The following LINGO2 variants were observed in gnomAD, a reference collection of about 807,000 sequenced individuals.
LINGO2 encodes the protein leucine rich repeat and Ig domain containing 2, also known as leucine-rich repeat and immunoglobulin-like domain-containing nogo receptor-interacting protein 2.
LINGO2 carries 14 observed loss-of-function variants against 30.6 expected under a neutral mutation model. That is an observed-to-expected ratio of 0.46 (90% CI 0.30 to 0.72). The LOEUF is 0.72. Among genes scored for constraint, LINGO2 ranks in the 30% least tolerant of loss-of-function variants. The pLI is 0.07. For missense variants in LINGO2, 729 were observed against 751.7 expected (o/e 0.97, Z 0.35); for synonymous variants, 317 against 288.5 (o/e 1.10, Z -1.00).
At chr9:28,318,304 T>C (rs1422894239) in intron 3 of LINGO2, among the ~76,000 whole-genome samples, 1 of 152,176 alleles carries the variant, frequency 6.6e-6, no homozygotes, top group Non-Finnish European at 1.5e-5. Flanking sequence ...TAAATACAGA[T>C]CATGAACATC....
chr9:28,131,039 C>T lies in LINGO2; in HGVS notation c.-86-118634G>A, dbSNP rs112301012. On this transcript the variant is annotated intron_variant, in intron 4 of 5. Coordinates refer to ENST00000379992, the Ensembl canonical transcript of LINGO2. ...CCTTAACTTCTACCATGCTCCCAGCCTCCCTCCCCTTATCTCCTCATAATG... is the reference window on the plus strand; with the variant it reads ...CCTTAACTTCTACCATGCTCCCAGCTTCCCTCCCCTTATCTCCTCATAATG... Among the ~76,000 whole-genome samples the T allele has an allele frequency of 7.6e-3, 1,152 of 152,120 alleles. 24 individuals carry two copies. The highest frequency in any genetic ancestry group is 0.025 in the African/African-American group (1,039 of 41,498).
At chr9:28,117,960 A>C (rs1826981111) in intron 4 of LINGO2, among the ~76,000 whole-genome samples, 1 of 152,228 alleles carries the variant, frequency 6.6e-6, no homozygotes, top group South Asian at 2.1e-4. Context: ...GTCCAGAGAT[A>C]GGAATGTAAA....
chr9:28,952,601 C>A, the LINGO2 span, among the ~76,000 whole-genome samples: 2 of 152,110 alleles, frequency 1.3e-5, no homozygotes, highest in African/African-American at 4.8e-5. Context: ...TCTCCTCTTG[C>A]CCTCTTAGAA....
intron 4 of LINGO2, among the ~76,000 whole-genome samples, chr9:28,058,397 C>T (rs1055552407): frequency 1.3e-5 from 2 of 152,030 alleles, no homozygotes; most frequent in South Asian, 4.1e-4. Flanking sequence ...ATAAGGTACC[C>T]AATGTAGTTT....
chr9:28,615,522 G>A (rs1051339422), intron 1 of LINGO2, among the ~76,000 whole-genome samples: 4 of 152,000 alleles, frequency 2.6e-5, no homozygotes, highest in African/African-American at 7.2e-5. Context: ...CAGAAGAAAT[G>A]TTAAATCATT....
chr9:28,027,376 T>C (rs1300490266), intron 4 of LINGO2, among the ~76,000 whole-genome samples: 1 of 152,208 alleles, frequency 6.6e-6, no homozygotes, highest in Non-Finnish European at 1.5e-5. Flanking sequence ...CTACCATGAC[T>C]GAGGCATAGT....
rs139636972 is a variant in LINGO2, at chr9:28,274,756, C to T, written c.-87+20452G>A. Among the ~76,000 whole-genome samples, 87 of 152,294 alleles carry T rather than the reference C, an allele frequency of 5.7e-4. 1 individual carries two copies. In the East Asian group the frequency reaches 0.014, roughly 24 times the overall value. Reference sequence around the variant, plus strand: ...TGACTCCTTTTACCAACACCCCACACGATAGGGTGCTTCTTTCTTCCAACC... The same window carrying T: ...TGACTCCTTTTACCAACACCCCACATGATAGGGTGCTTCTTTCTTCCAACC... On this transcript the variant is annotated intron_variant, in intron 4 of 5. Transcript: ENST00000379992.
At chr9:28,679,207 G>GA in the LINGO2 span, among the ~76,000 whole-genome samples, 1 of 151,442 alleles carries the variant, frequency 6.6e-6, no homozygotes, top group African/African-American at 2.4e-5. Context: ...ATGACTTTCA[G>GA]AAAAAAAATT....
At chr9:28,558,451 G>A (rs529450069) in intron 1 of LINGO2, among the ~76,000 whole-genome samples, 3 of 152,116 alleles carry the variant, frequency 2.0e-5, no homozygotes, top group Admixed American at 6.6e-5. Context: ...CTGTGTCCAC[G>A]TGTCCTCCAG....
At chr9:28,644,593 A>G (rs1030126557) in intron 1 of LINGO2, among the ~76,000 whole-genome samples, 6 of 149,804 alleles carry the variant, frequency 4.0e-5, no homozygotes, top group Non-Finnish European at 7.5e-5. Flanking sequence ...GAAAAAAAAA[A>G]AAGAAAGAAT....
At chr9:28,807,896 C>A in the LINGO2 span, among the ~76,000 whole-genome samples, 5 of 151,682 alleles carry the variant, frequency 3.3e-5, no homozygotes, top group African/African-American at 1.2e-4. Context: ...ATAGTAAGAC[C>A]TCAGTAAATG....
At chr9:28,935,221 G>A in the LINGO2 span, among the ~76,000 whole-genome samples, 1 of 152,064 alleles carries the variant, frequency 6.6e-6, no homozygotes, top group East Asian at 1.9e-4. Context: ...CTTTTTAGAT[G>A]TCCTAATATT....
intron 2 of LINGO2, among the ~76,000 whole-genome samples, chr9:28,400,757 A>C (rs1028667182): frequency 6.6e-6 from 1 of 152,248 alleles, no homozygotes; most frequent in African/African-American, 2.4e-5. Flanking sequence ...ATGCAGGTGC[A>C]GGAAAACATT....
chr9:28,972,692 G>A, the LINGO2 span, among the ~76,000 whole-genome samples: 11 of 152,238 alleles, frequency 7.2e-5, no homozygotes, highest in East Asian at 5.8e-4. Flanking sequence ...AAGAGAAAGA[G>A]GTTTAATGAC....
intron 4 of LINGO2, among the ~76,000 whole-genome samples, chr9:28,069,967 C>T (rs1825424571): frequency 6.6e-6 from 1 of 152,166 alleles, no homozygotes. Flanking sequence ...AGGGGCAGCT[C>T]AAGAAGCCGC....
At chr9:28,780,807 T>G in the LINGO2 span, among the ~76,000 whole-genome samples, 4 of 151,222 alleles carry the variant, frequency 2.6e-5, no homozygotes, top group Admixed American at 1.3e-4. Flanking sequence ...CGGCTGGAAT[T>G]TTCATATATG....
intron 4 of LINGO2, among the ~76,000 whole-genome samples, chr9:28,110,385 T>C (rs974484128): frequency 2.0e-5 from 3 of 152,100 alleles, no homozygotes; most frequent in African/African-American, 7.2e-5. Flanking sequence ...AAAGCCAAAA[T>C]TGACAAATGG....
chr9:29,092,501 T>C, the LINGO2 span, among the ~76,000 whole-genome samples: 1 of 152,070 alleles, frequency 6.6e-6, no homozygotes, highest in Non-Finnish European at 1.5e-5. Flanking sequence ...TGTAATATTA[T>C]GCTCACTCAT....
At chr9:28,680,182 T>G in the LINGO2 span, among the ~76,000 whole-genome samples, 1 of 152,060 alleles carries the variant, frequency 6.6e-6, no homozygotes, top group Admixed American at 6.6e-5. Flanking sequence ...GTTCCATTTT[T>G]TTAGATTTCA....
Sources: allele counts gnomAD v4.1 joint callset (sites outside exome capture counted in the v4.1 genomes callset), GRCh38; gene constraint gnomAD v4.1.1; transcripts MANE v1.5; gene names NCBI Gene and HGNC (gene_info 2026-07-23, HGNC 2026-07-21).